DPF3: variants seen among roughly 807,000 people sequenced by gnomAD.
DPF3 encodes zinc finger protein DPF3.
A neutral mutation model predicts 56.8 loss-of-function variants in DPF3; 18 were observed. The observed-to-expected ratio is 0.32, with a 90% CI of 0.22 to 0.47. DPF3 has a LOEUF of 0.47. DPF3 is among the 20% of genes least tolerant of loss of function. DPF3 has a pLI of 1.00. For synonymous variants in DPF3, 188 were observed against 180.2 expected, an observed-to-expected ratio of 1.04 and a Z score of -0.35; for missense variants, 403 against 488.8, an observed-to-expected ratio of 0.82 and a Z score of 1.65.
At chr14:72,665,620 C>G (rs142910327) in intron 8 of DPF3, among the ~76,000 whole-genome samples, 1 of 152,300 alleles carries the variant, frequency 6.6e-6, no homozygotes, top group African/African-American at 2.4e-5. Context: ...TAACCAGTAT[C>G]GAGGTTGTGA....
intron 1 of DPF3, among the ~76,000 whole-genome samples, chr14:72,772,107 A>T (rs1250212719): frequency 2.6e-5 from 4 of 152,260 alleles, no homozygotes; most frequent in Non-Finnish European, 5.9e-5. Flanking sequence ...CAAATCCACC[A>T]GGCAACTTAG....
rs989485634 is a variant in DPF3, at chr14:72,892,703, G to C, written c.32+1354C>G. The C allele has an allele frequency of 7.9e-6, 8 of 1,011,410 alleles. No individual in the cohort carries two copies. The African/African-American group carries it at 1.4e-4, about 17-fold the overall frequency. 62.7% of individuals were successfully genotyped at this position (1,011,410 alleles called of 1,614,324 possible). On this transcript the variant is annotated intron_variant, in intron 1 of 10. Transcript: ENST00000556509. ...AGCGGCCACGCACCAGGGAGAATTC[G>C]GCATGAACCGCCCCCCACCCGACCT...
At chr14:72,643,509 G>T (rs1237294678) in intron 8 of DPF3, among the ~76,000 whole-genome samples, 1 of 152,224 alleles carries the variant, frequency 6.6e-6, no homozygotes, top group East Asian at 1.9e-4. Flanking sequence ...CCTGGAGGCT[G>T]CAGGAAGTAG....
chr14:72,746,278 G>C (rs1343444063), intron 3 of DPF3, among the ~76,000 whole-genome samples: 2 of 152,206 alleles, frequency 1.3e-5, no homozygotes, highest in African/African-American at 4.8e-5. Flanking sequence ...TTCTCTAGAT[G>C]GGCCCTGGCT....
intron 1 of DPF3, among the ~76,000 whole-genome samples, chr14:72,881,321 TTGTTGTTGTTGTTGC>T (rs944126624): frequency 1.8e-5 from 2 of 109,074 alleles, no homozygotes; most frequent in Non-Finnish European, 4.1e-5. Flanking sequence ...GTTGTTGTTG[TTGTTGTTGTTGTTGC>T]TGTTGTTGTT....
chr14:72,730,209 A>G (rs1162613025), intron 4 of DPF3, among the ~76,000 whole-genome samples: 4 of 151,718 alleles, frequency 2.6e-5, no homozygotes, highest in African/African-American at 7.3e-5. Flanking sequence ...GGGAGAGGGG[A>G]TGCGGGAGAA....
chr14:72,649,305 G>C (rs558162036), intron 8 of DPF3, among the ~76,000 whole-genome samples: 1 of 152,090 alleles, frequency 6.6e-6, no homozygotes, highest in African/African-American at 2.4e-5. Context: ...TCAGCTGGGG[G>C]GCTGTGGAGT....
At chr14:72,834,582 C>CA (rs1884209994) in intron 1 of DPF3, among the ~76,000 whole-genome samples, 2 of 151,922 alleles carry the variant, frequency 1.3e-5, no homozygotes, top group South Asian at 4.2e-4. Context: ...CTGGACCCCC[C>CA]ATACATCACT....
chr14:72,651,170 G>A (rs1885896560), intron 8 of DPF3, among the ~76,000 whole-genome samples: 1 of 152,226 alleles, frequency 6.6e-6, no homozygotes, highest in Non-Finnish European at 1.5e-5. Flanking sequence ...CTGCAGCATG[G>A]CCCTGGCCCC....
intron 1 of DPF3, among the ~76,000 whole-genome samples, chr14:72,813,047 G>T (rs961513290): frequency 9.2e-5 from 14 of 152,068 alleles, no homozygotes; most frequent in Non-Finnish European, 1.6e-4. Context: ...GCTTTTCGGG[G>T]GCTCCTTCGA....
chr14:72,758,740 G>A (rs1890943728), intron 2 of DPF3, among the ~76,000 whole-genome samples: 1 of 152,150 alleles, frequency 6.6e-6, no homozygotes, highest in South Asian at 2.1e-4. Flanking sequence ...CTCACTAATA[G>A]GGAATACTTA....
At chr14:72,710,985 T>A (rs1198148056) in intron 6 of DPF3, among the ~76,000 whole-genome samples, 2 of 152,192 alleles carry the variant, frequency 1.3e-5, no homozygotes, top group Non-Finnish European at 2.9e-5. Context: ...AAGCAAACTC[T>A]CTATCACCTG....
chr14:72,706,124 T>C (rs886394778), intron 6 of DPF3, among the ~76,000 whole-genome samples: 12 of 152,180 alleles, frequency 7.9e-5, no homozygotes, highest in Non-Finnish European at 1.3e-4. Context: ...TTAATATAGA[T>C]GAAGCCAACA....
intron 1 of DPF3, among the ~76,000 whole-genome samples, chr14:72,846,300 G>A (rs920935149): frequency 6.8e-6 from 1 of 146,372 alleles, no homozygotes; most frequent in African/African-American, 2.5e-5. Context: ...TAGTAGAGAT[G>A]GGGTTTCACC....
At chr14:72,766,772 C>T (rs1471168735) in intron 2 of DPF3, among the ~76,000 whole-genome samples, 3 of 152,164 alleles carry the variant, frequency 2.0e-5, no homozygotes, top group East Asian at 3.9e-4. Flanking sequence ...TCCTTTATGC[C>T]TCATATATCC....
At chr14:72,731,390 G>C (rs1889635871) in intron 4 of DPF3, 1 of 167,200 alleles carries the variant, frequency 6.0e-6, no homozygotes, top group Non-Finnish European at 1.2e-5. Context: ...CTGGGTGTGA[G>C]GGTGGGGGGT....
chr14:72,619,645 G>A (rs531858537), intron 10 of DPF3, among the ~76,000 whole-genome samples: 39 of 152,228 alleles, frequency 2.6e-4, no homozygotes, highest in African/African-American at 8.4e-4. Context: ...CACACCTCCC[G>A]GTCATCTCCA....
chr14:72,864,458 T>G lies in DPF3; in HGVS notation c.32+29599A>C, dbSNP rs1599506553. On this transcript the variant is annotated intron_variant, in intron 1 of 10. Transcript: ENST00000556509. ...AGGGACTTTGTTTTATCGACTGCCA[T>G]ATCCCCAGCACCTACAGTGCTTGGC... 2.0e-5 allele frequency among the ~76,000 whole-genome samples: 3 copies of G among 152,380 alleles called. No homozygotes were observed. The South Asian group carries it at 6.2e-4, about 32-fold the overall frequency.
chr14:72,738,048 A>C (rs1889968812), intron 3 of DPF3, among the ~76,000 whole-genome samples: 1 of 152,152 alleles, frequency 6.6e-6, no homozygotes, highest in Non-Finnish European at 1.5e-5. Flanking sequence ...AGAGCTTAAG[A>C]ATCATTATTT....
Sources: allele counts gnomAD v4.1 joint callset (sites outside exome capture counted in the v4.1 genomes callset), GRCh38; gene constraint gnomAD v4.1.1; transcripts MANE v1.5; gene names NCBI Gene and HGNC (gene_info 2026-07-23, HGNC 2026-07-21).